RGS6: variants seen among roughly 807,000 people sequenced by gnomAD.
The protein encoded by RGS6 is regulator of G-protein signaling 6.
RGS6 carries 30 observed loss-of-function variants against 78.5 expected under a neutral mutation model. The observed-to-expected ratio is 0.38, with a 90% CI of 0.29 to 0.52. The LOEUF (loss-of-function observed/expected upper bound fraction) is 0.52. Ranked by LOEUF, RGS6 falls within the 20% of genes least tolerant of loss-of-function variation. The probability of loss-of-function intolerance (pLI) is 0.85; values close to 1 mark genes in which losing one functional copy is unlikely to be tolerated. For missense variants in RGS6, 495 were observed against 609.7 expected (o/e 0.81, Z 1.98); for synonymous variants, 206 against 206.0 (o/e 1.00, Z 0.00).
At chr14:71,900,092 T>G in the RGS6 span, among the ~76,000 whole-genome samples, 3 of 152,216 alleles carry the variant, frequency 2.0e-5, no homozygotes, top group African/African-American at 7.2e-5. Context: ...CTTGCTAGAT[T>G]GTTTGCTGCC....
At chr14:72,380,668 A>G (rs548923650) in intron 3 of RGS6, among the ~76,000 whole-genome samples, 2 of 152,282 alleles carry the variant, frequency 1.3e-5, no homozygotes, top group South Asian at 4.1e-4. Flanking sequence ...AAAGACAAAA[A>G]TAACAAATGC....
At chr14:72,034,404 C>T (rs2091378960) in intron 2 of RGS6, among the ~76,000 whole-genome samples, 1 of 144,620 alleles carries the variant, frequency 6.9e-6, no homozygotes. Flanking sequence ...CTTTTCAGTG[C>T]TTTTTTTTTT....
intron 2 of RGS6, among the ~76,000 whole-genome samples, chr14:72,241,684 T>C (rs766379349): frequency 6.6e-6 from 1 of 152,254 alleles, no homozygotes; most frequent in African/African-American, 2.4e-5. Flanking sequence ...TTGCAAATAA[T>C]AGATATATGA....
intron 3 of RGS6, among the ~76,000 whole-genome samples, chr14:72,451,485 G>A (rs1052390794): frequency 6.6e-6 from 1 of 152,146 alleles, no homozygotes; most frequent in Non-Finnish European, 1.5e-5. Flanking sequence ...GTGCTGAGCC[G>A]GGGGTTGGGG....
chr14:72,131,241 G>GT (rs1331279271), intron 2 of RGS6, among the ~76,000 whole-genome samples: 3 of 152,288 alleles, frequency 2.0e-5, no homozygotes, highest in Non-Finnish European at 4.4e-5. Flanking sequence ...GCCCGACTGT[G>GT]GATTTTTGGC....
chr14:72,242,780 T>A (rs1042544437), intron 2 of RGS6, among the ~76,000 whole-genome samples: 3 of 151,932 alleles, frequency 2.0e-5, no homozygotes, highest in Non-Finnish European at 4.4e-5. Context: ...TAGTTGTGAT[T>A]TTCAAAAATT....
chr14:72,302,928 T>C (rs1474909976), intron 2 of RGS6, among the ~76,000 whole-genome samples: 1 of 152,218 alleles, frequency 6.6e-6, no homozygotes, highest in Non-Finnish European at 1.5e-5. Flanking sequence ...CAAGATCCGA[T>C]GGTTTTAGAA....
chr14:72,090,030 A>C (rs2095208993), intron 2 of RGS6, among the ~76,000 whole-genome samples: 1 of 151,692 alleles, frequency 6.6e-6, no homozygotes, highest in African/African-American at 2.4e-5. Context: ...TTTATTAATC[A>C]TAAGAATTCT....
chr14:72,556,037 T>G (rs1033602515), intron 17 of RGS6, among the ~76,000 whole-genome samples: 3 of 152,146 alleles, frequency 2.0e-5, no homozygotes, highest in Non-Finnish European at 1.5e-5. Flanking sequence ...AGGGGATAGG[T>G]GGGTCCTTTT....
chr14:72,389,986 G>A (rs1046132543), intron 3 of RGS6, among the ~76,000 whole-genome samples: 2 of 151,880 alleles, frequency 1.3e-5, no homozygotes, highest in Non-Finnish European at 2.9e-5. Flanking sequence ...ACAGATGGTG[G>A]GAACAGTAAA....
intron 2 of RGS6, among the ~76,000 whole-genome samples, chr14:72,313,545 A>G (rs1303633397): frequency 1.3e-5 from 2 of 152,096 alleles, no homozygotes; most frequent in South Asian, 2.1e-4. Flanking sequence ...TTCTCCCCTT[A>G]TGATCGTTCC....
At chr14:72,053,003 CTCTT>C (rs1450372716) in intron 2 of RGS6, among the ~76,000 whole-genome samples, 23 of 91,652 alleles carry the variant, frequency 2.5e-4, no homozygotes, top group Non-Finnish European at 3.8e-4. Context: ...CTCTCTCTCT[CTCTT>C]TCTTTCCTTC....
At position 72,068,498 on chromosome 14, in the gene RGS6, A is replaced by ATTT. The variant is rs11330539; in HGVS notation, c.84+103638_84+103640dup. Among the ~76,000 whole-genome samples the ATTT allele has an allele frequency of 6.1e-3, 720 of 117,328 alleles. 16 individuals carry two copies. Among genetic ancestry groups the ATTT allele is most frequent in the African/African-American group, 0.015 (480 of 31,818 alleles). 77.0% of individuals were successfully genotyped at this position (117,328 alleles called of 152,430 possible). A position where few individuals can be genotyped will look rare whatever the true frequency, so the allele number is the denominator to read the frequency against. ...TCCGTCTCTCCCTCCCACTCTTCCT[A>ATTT]TTTTTTTTTTTTTTTTTGAGACAGA... is the stretch of plus-strand genomic sequence containing the variant. On this transcript the variant is annotated intron_variant, in intron 2 of 17. Transcript: ENST00000553525.
chr14:72,122,672 A>G (rs887423112), intron 2 of RGS6, among the ~76,000 whole-genome samples: 1 of 151,512 alleles, frequency 6.6e-6, no homozygotes, highest in African/African-American at 2.4e-5. Flanking sequence ...CATGTTTGTT[A>G]TACGCTGTCA....
In RGS6 at chr14:71,934,620, ATTAT is replaced by A. The variant is rs777608908; in HGVS notation, c.-21+1690_-21+1693del. Among the ~76,000 whole-genome samples the A allele has an allele frequency of 1.8e-3, 272 of 152,286 alleles. 1 individual carries two copies. Among genetic ancestry groups the A allele is most frequent in the Admixed American group, 3.9e-3 (60 of 15,294 alleles). The stretch of plus-strand genomic sequence containing the variant: ...TGTTTATTTAAATGAGTCCATTTTA[ATTAT>A]TTATTTATTTTTGACTTGCAGAATA... On this transcript the variant is annotated intron_variant, in intron 1 of 17. Coordinates refer to ENST00000553525, the MANE Select transcript of RGS6 (RefSeq NM_001204424.2).
At chr14:72,533,429 C>A (rs1438200503) in intron 15 of RGS6, among the ~76,000 whole-genome samples, 1 of 152,220 alleles carries the variant, frequency 6.6e-6, no homozygotes, top group Non-Finnish European at 1.5e-5. Flanking sequence ...TGACTGCTAA[C>A]ACAACATCCG....
At chr14:72,559,940 G>C (rs60226136) in intron 17 of RGS6, among the ~76,000 whole-genome samples, 4,152 of 152,126 alleles carry the variant, frequency 0.027, 210 homozygotes, top group African/African-American at 0.096. Context: ...TCCAGAAATA[G>C]AATCTCCAAC....
intron 3 of RGS6, among the ~76,000 whole-genome samples, chr14:72,417,987 G>A (rs1011721121): frequency 2.0e-5 from 3 of 151,994 alleles, no homozygotes; most frequent in Non-Finnish European, 4.4e-5. Flanking sequence ...GAACACTTGG[G>A]GGCAGAAAAA....
chr14:72,505,456 A>C (rs780493848), intron 13 of RGS6, among the ~76,000 whole-genome samples: 20 of 152,190 alleles, frequency 1.3e-4, no homozygotes, highest in Middle Eastern at 3.2e-3. Context: ...TCACCTCCCA[A>C]ATATCCTGCC....
Sources: gnomAD v4.1 joint callset for allele counts (sites outside exome capture counted in the v4.1 genomes callset) on GRCh38, gnomAD v4.1.1 for gene constraint, MANE v1.5 for transcripts, NCBI Gene and HGNC (gene_info 2026-07-23, HGNC 2026-07-21) for gene names.